The following USP25 variants were observed in gnomAD, a reference collection of about 807,000 sequenced individuals.
The protein encoded by USP25 is ubiquitin specific peptidase 25.
A neutral mutation model predicts 158.5 loss-of-function variants in USP25; 85 were observed. The observed-to-expected ratio is 0.54, with a 90% CI of 0.45 to 0.64. The LOEUF is 0.64. Among genes scored for constraint, USP25 ranks in the 30% least tolerant of loss-of-function variants. USP25 has a pLI of 0.00. For synonymous variants in USP25, 464 were observed against 460.4 expected (o/e 1.01, Z -0.10); for missense variants, 1,242 against 1,327.3 (o/e 0.94, Z 1.00).
intron 20 of USP25, among the ~76,000 whole-genome samples, chr21:15,855,460 A>G (rs1370770195): frequency 2.0e-5 from 3 of 152,174 alleles, no homozygotes; most frequent in Non-Finnish European, 4.4e-5. Context: ...GAATGTGAAG[A>G]GGAAGAATTA....
rs559082026 is a variant in USP25 at position 15,879,097 on chromosome 21, C to A, written c.*622C>A. ...ATTTATCTATATTTTTAACAAAGTTCTTGAACTTAGTATGGCACCGGAACC... is the reference window on the plus strand; with the variant it reads ...ATTTATCTATATTTTTAACAAAGTTATTGAACTTAGTATGGCACCGGAACC... On this transcript the variant is annotated 3_prime_UTR_variant, in exon 26 of 26. Coordinates refer to ENST00000400183, the MANE Select transcript of USP25 (RefSeq NM_001283041.3). The A allele has an allele frequency of 5.9e-5, 9 of 152,556 alleles. No individual in the cohort carries two copies. Among genetic ancestry groups the A allele is most frequent in the Admixed American group, 5.9e-4 (9 of 15,278 alleles). The allele number at this position is 152,556 out of a possible 1,614,324, so 9.5% of individuals were successfully genotyped here.
intron 3 of USP25, among the ~76,000 whole-genome samples, chr21:15,768,417 A>G (rs1469469917): frequency 1.3e-5 from 2 of 152,120 alleles, no homozygotes; most frequent in Non-Finnish European, 2.9e-5. Context: ...CAGTAGTGTC[A>G]TAATGCAGTG....
chr21:15,778,852 G>A (rs1256998466), intron 4 of USP25, among the ~76,000 whole-genome samples: 1 of 152,100 alleles, frequency 6.6e-6, no homozygotes, highest in Non-Finnish European at 1.5e-5. Context: ...GAGGTTAAAT[G>A]TGCTTTTTCC....
chr21:15,869,728 A>T (rs2039806952), intron 22 of USP25, among the ~76,000 whole-genome samples: 2 of 152,166 alleles, frequency 1.3e-5, no homozygotes, highest in South Asian at 4.1e-4. Context: ...GTTGATGTAG[A>T]TATAATAATA....
intron 1 of USP25, among the ~76,000 whole-genome samples, chr21:15,737,405 A>G (rs1456207730): frequency 6.6e-6 from 1 of 152,104 alleles, no homozygotes; most frequent in African/African-American, 2.4e-5. Flanking sequence ...TATTTGTTAA[A>G]TTGCTTATTT....
At chr21:15,759,363 C>A (rs960340758) in intron 1 of USP25, among the ~76,000 whole-genome samples, 1 of 152,120 alleles carries the variant, frequency 6.6e-6, no homozygotes, top group Non-Finnish European at 1.5e-5. Context: ...TAAGTACGTG[C>A]CTGTGACACA....
At chr21:15,739,726 A>G (rs1410835446) in intron 1 of USP25, among the ~76,000 whole-genome samples, 3 of 152,148 alleles carry the variant, frequency 2.0e-5, no homozygotes, top group East Asian at 1.9e-4. Context: ...CCTTTTTCCT[A>G]CAATATAATC....
intron 20 of USP25, among the ~76,000 whole-genome samples, chr21:15,859,516 T>C (rs918014346): frequency 7.9e-5 from 12 of 152,098 alleles, no homozygotes; most frequent in African/African-American, 2.7e-4. Context: ...TTTTTCTGGC[T>C]CTGTGGCAGT....
chr21:15,732,399 G>A (rs1203095128), intron 1 of USP25, among the ~76,000 whole-genome samples: 2 of 152,042 alleles, frequency 1.3e-5, no homozygotes, highest in East Asian at 3.8e-4. Context: ...ATATTTATAT[G>A]GATACAAGTA....
At chr21:15,811,248 G>A (rs752199678) in intron 9 of USP25, 38 bp downstream of exon 9, 1 of 1,526,798 alleles carries the variant, frequency 6.5e-7, no homozygotes, top group Non-Finnish European at 8.9e-7. Flanking sequence ...CAAGTGAAGA[G>A]AGATTATTAT....
intron 4 of USP25, among the ~76,000 whole-genome samples, chr21:15,789,842 A>G (rs1161441815): frequency 6.6e-6 from 1 of 152,144 alleles, no homozygotes; most frequent in Non-Finnish European, 1.5e-5. Context: ...ATAAAAGTCA[A>G]TAAAAAGTTA....
intron 1 of USP25, among the ~76,000 whole-genome samples, chr21:15,730,922 G>A (rs2030775335): frequency 6.7e-6 from 1 of 149,300 alleles, no homozygotes. Flanking sequence ...AGAAGTAGGT[G>A]GTTTGCTTGG....
At chr21:15,841,259 C>G (rs542457263) in intron 17 of USP25, among the ~76,000 whole-genome samples, 7 of 152,230 alleles carry the variant, frequency 4.6e-5, no homozygotes, top group African/African-American at 1.7e-4. Flanking sequence ...TTTGTGTCCC[C>G]CTGTTGCTCT....
intron 23 of USP25, among the ~76,000 whole-genome samples, chr21:15,873,422 CT>C (rs1263802818): frequency 6.6e-6 from 1 of 151,978 alleles, no homozygotes; most frequent in Non-Finnish European, 1.5e-5. Flanking sequence ...TGCCTGGCCC[CT>C]TTTCTTCCCT....
chr21:15,785,666 T>G (rs970750046), intron 4 of USP25, among the ~76,000 whole-genome samples: 7 of 152,122 alleles, frequency 4.6e-5, no homozygotes, highest in Non-Finnish European at 8.8e-5. Context: ...CAGTGAAACC[T>G]GTTCTAGAAG....
At chr21:15,842,957 T>A (rs561162063) in intron 18 of USP25, among the ~76,000 whole-genome samples, 37 of 152,258 alleles carry the variant, frequency 2.4e-4, no homozygotes, top group African/African-American at 8.9e-4. Context: ...ACAATAAAAC[T>A]ACTAGATACT....
At chr21:15,755,377 G>A (rs984434500) in intron 1 of USP25, among the ~76,000 whole-genome samples, 2 of 152,198 alleles carry the variant, frequency 1.3e-5, no homozygotes, top group Non-Finnish European at 2.9e-5. Flanking sequence ...TTTGTTGTCA[G>A]TGGTGCTTTA....
intron 24 of USP25, chr21:15,877,478 A>G (rs1041535219): frequency 3.2e-5 from 6 of 186,026 alleles, no homozygotes. Flanking sequence ...ATACAATTTT[A>G]TAATTTGGGG....
chr21:15,795,786 G>A (rs79875674), intron 5 of USP25, among the ~76,000 whole-genome samples: 4,199 of 151,546 alleles, frequency 0.028, 71 homozygotes, highest in Non-Finnish European at 0.045. Context: ...AGCACATGGG[G>A]GTTTAATTGT....
Sources: gnomAD v4.1 joint callset for allele counts (sites outside exome capture counted in the v4.1 genomes callset) on GRCh38, gnomAD v4.1.1 for gene constraint, MANE v1.5 for transcripts, NCBI Gene and HGNC (gene_info 2026-07-23, HGNC 2026-07-21) for gene names.